The following ATP10B variants were observed in gnomAD, a reference collection of about 807,000 sequenced individuals.
ATP10B encodes ATPase phospholipid transporting 10B (putative), also known as phospholipid-transporting ATPase VB.
In ATP10B, 122 loss-of-function variants were observed where a neutral mutation model predicts 141.2. The ratio of observed to expected loss-of-function variants is 0.86; its 90% CI spans 0.75 to 1.00. The LOEUF is 1.00. Among genes scored for constraint, ATP10B ranks in the 50% least tolerant of loss-of-function variants. The pLI is 0.00. For missense variants in ATP10B, 1,876 were observed against 1,825.3 expected (o/e 1.03, Z -0.51); for synonymous variants, 685 against 692.0 (o/e 0.99, Z 0.16).
At chr5:160,828,852 A>G (rs550745907) in intron 1 of ATP10B, among the ~76,000 whole-genome samples, 95 of 150,958 alleles carry the variant, frequency 6.3e-4, no homozygotes, top group Non-Finnish European at 1.0e-3. Flanking sequence ...TGTGGCACAT[A>G]TACACCATGG....
chr5:160,713,997 T>C (rs1268462370), intron 3 of ATP10B, among the ~76,000 whole-genome samples: 2 of 48,928 alleles, frequency 4.1e-5, no homozygotes, highest in African/African-American at 8.3e-5. Flanking sequence ...GTTAGTTTGA[T>C]GGGCTTTCCT....
intron 18 of ATP10B, chr5:160,611,924 A>G (rs938120801): frequency 1.4e-4 from 22 of 152,324 alleles, no homozygotes; most frequent in Middle Eastern, 3.4e-3. Flanking sequence ...CCCACTTCCC[A>G]TCTTCATCAG....
chr5:160,565,715 T>A lies in ATP10B; in HGVS notation c.4124A>T (p.Gln1375Leu). 7 of 1,614,070 alleles carry A rather than the reference T, an allele frequency of 4.3e-6. No individual in the cohort carries two copies. Among genetic ancestry groups the A allele is most frequent in the Non-Finnish European group, 5.9e-6 (7 of 1,179,952 alleles). Reference protein sequence around the residue: ...THHPVSSITGQDFSASTPKSS... With the variant: ...THHPVSSITGLDFSASTPKSS... ...CTTTGGGGTGCTGGCACTGAAGTCC[T>A]GTCCTGTGATAGATGACACTGGGTG... The change falls in exon 26 of 26, where the codon CAG becomes CTG. Residue 1375 changes from glutamine to leucine, a missense_variant. Gln to Leu is a moderately radical substitution (Grantham distance 113, BLOSUM62 -2). Transcript: ENST00000327245.
chr5:160,636,201 G>A lies in ATP10B; in HGVS notation c.1109C>T (p.Thr370Ile), dbSNP rs780269841. The change falls in exon 11 of 26, where the codon ACA (threonine) becomes ATA (isoleucine). Residue 370 changes from threonine to isoleucine, a missense_variant. Coordinates refer to ENST00000327245, the MANE Select transcript of ATP10B (RefSeq NM_025153.3). ...SALGGFYMFL[T>I]MIILLQVLIP... ...TCCTACCTGGAGCAGGATGATCATT[G>A]TGAGGAACATGTAGAAGCCCCCAAG... The A allele has an allele frequency of 1.2e-6, 2 of 1,611,126 alleles. No individual in the cohort carries two copies. Among genetic ancestry groups the A allele is most frequent in the Admixed American group, 3.4e-5 (2 of 59,624 alleles).
chr5:160,771,794 G>A (rs146105143), intron 2 of ATP10B, among the ~76,000 whole-genome samples: 13 of 152,278 alleles, frequency 8.5e-5, no homozygotes, highest in African/African-American at 3.1e-4. Flanking sequence ...ATGTATCTGT[G>A]GTAGGAAGGA....
chr5:160,916,237 T>C, the ATP10B span, among the ~76,000 whole-genome samples: 1 of 152,182 alleles, frequency 6.6e-6, no homozygotes, highest in Non-Finnish European at 1.5e-5. Context: ...GATTTGGGGA[T>C]GTATGTGCTG....
At chr5:160,836,556 C>G (rs932207735) in intron 1 of ATP10B, among the ~76,000 whole-genome samples, 1 of 152,060 alleles carries the variant, frequency 6.6e-6, no homozygotes, top group African/African-American at 2.4e-5. Flanking sequence ...TTGCATTATT[C>G]TTCACACCCT....
At chr5:160,889,593 A>T in the ATP10B span, among the ~76,000 whole-genome samples, 1 of 152,222 alleles carries the variant, frequency 6.6e-6, no homozygotes, top group African/African-American at 2.4e-5. Flanking sequence ...CACGCTGTGC[A>T]CTGAAGACAC....
chr5:160,817,758 G>T (rs891090495), intron 1 of ATP10B, among the ~76,000 whole-genome samples: 48 of 152,256 alleles, frequency 3.2e-4, no homozygotes, highest in African/African-American at 1.1e-3. Context: ...ATACTGCAAG[G>T]CTACATTAAC....
chr5:160,878,584 C>T, the ATP10B span, among the ~76,000 whole-genome samples: 1 of 151,644 alleles, frequency 6.6e-6, no homozygotes, highest in Non-Finnish European at 1.5e-5. Context: ...AAACTACCGT[C>T]AGAGCGAACA....
intron 2 of ATP10B, among the ~76,000 whole-genome samples, chr5:160,728,809 C>T (rs1766538915): frequency 7.8e-6 from 1 of 128,462 alleles, no homozygotes. Flanking sequence ...CTGCTTTATT[C>T]TCTCAGAATG....
upstream of ATP10B, among the ~76,000 whole-genome samples, chr5:160,854,574 G>C (rs888479395): frequency 6.6e-6 from 1 of 152,072 alleles, no homozygotes; most frequent in African/African-American, 2.4e-5. Context: ...GTCTATCATT[G>C]ATGGGCATTT....
chr5:160,658,469 T>C (rs533895744), intron 7 of ATP10B, among the ~76,000 whole-genome samples: 7 of 152,330 alleles, frequency 4.6e-5, no homozygotes, highest in African/African-American at 1.4e-4. Flanking sequence ...TGATGAGTCA[T>C]AGATATAATG....
chr5:160,641,100 A>G (rs1466030626), intron 9 of ATP10B, among the ~76,000 whole-genome samples: 1 of 152,246 alleles, frequency 6.6e-6, no homozygotes, highest in Non-Finnish European at 1.5e-5. Flanking sequence ...AATAAGTCCT[A>G]TGAAATAAAT....
chr5:160,780,835 G>A, intron 2 of ATP10B, among the ~76,000 whole-genome samples: 1 of 152,152 alleles, frequency 6.6e-6, no homozygotes, highest in East Asian at 1.9e-4. Flanking sequence ...CATAGTAAAT[G>A]TGTTACATGT....
the ATP10B span, among the ~76,000 whole-genome samples, chr5:160,897,803 A>G: frequency 6.6e-6 from 1 of 152,258 alleles, no homozygotes; most frequent in Non-Finnish European, 1.5e-5. Context: ...CTACAAGGCT[A>G]CAGTAACCAG....
chr5:160,762,026 C>CAAAGAAAAAAG (rs71285018), intron 2 of ATP10B, among the ~76,000 whole-genome samples: 47,793 of 151,792 alleles, frequency 0.31, 7,822 homozygotes, highest in Non-Finnish European at 0.36. Context: ...CCCACAAAGA[C>CAAAGAAAAAAG]AATTTAAAAA....
chr5:160,615,952 C>A lies in ATP10B; in HGVS notation c.2539G>T (p.Glu847Ter), dbSNP rs898479703. ...AAACTGGCCCATCTCCGGAAGTCCT[C>A]TTCGCTTACAACCTATGGGATGGGA... The part of the protein sequence containing the change: ...LCIAKKVVSE[E>*]DFRRWASFRR... Residue 847 changes from glutamate (E) to a stop codon, truncating the protein, a stop_gained, in exon 17 of 26, where the codon GAG (glutamate) becomes TAG (stop). Coordinates refer to ENST00000327245, the MANE Select transcript of ATP10B (RefSeq NM_025153.3). LOFTEE classifies it high-confidence loss of function. 6.2e-7 allele frequency: 1 copy of A among 1,613,634 alleles called. No homozygotes were observed. The highest frequency in any genetic ancestry group is 1.3e-5 in the African/African-American group (1 of 74,916).
the ATP10B span, among the ~76,000 whole-genome samples, chr5:160,895,138 T>C: frequency 6.6e-6 from 1 of 152,150 alleles, no homozygotes; most frequent in East Asian, 1.9e-4. Flanking sequence ...ATGAAGAAAC[T>C]GCGTCAACTC....
Sources: allele counts gnomAD v4.1 joint callset (sites outside exome capture counted in the v4.1 genomes callset), GRCh38; gene constraint gnomAD v4.1.1; transcripts MANE v1.5; gene names NCBI Gene and HGNC (gene_info 2026-07-23, HGNC 2026-07-21).